The following TMEM242 variants were observed in gnomAD, a reference collection of about 807,000 sequenced individuals.
The protein encoded by TMEM242 is transmembrane protein 242.
A neutral mutation model predicts 18.2 loss-of-function variants in TMEM242; 10 were observed. That is an observed-to-expected ratio of 0.55 (90% confidence interval 0.34 to 0.93). The LOEUF (loss-of-function observed/expected upper bound fraction) is 0.93, where lower values mean the gene tolerates loss of function less well. Among genes scored for constraint, TMEM242 ranks in the 40% least tolerant of loss-of-function variants. The pLI is 0.02. For synonymous variants in TMEM242, 57 were observed against 69.9 expected, an observed-to-expected ratio of 0.81 and a Z score of 0.92; for missense variants, 186 against 175.5, an observed-to-expected ratio of 1.06 and a Z score of -0.34.
At chr6:157,306,884 T>G (rs1777924444) in intron 3 of TMEM242, among the ~76,000 whole-genome samples, 1 of 152,200 alleles carries the variant, frequency 6.6e-6, no homozygotes, top group Non-Finnish European at 1.5e-5. Context: ...TGATAAGTTA[T>G]GTTCAGCACA....
rs797038196 is a variant in TMEM242 at position 157,312,740 on chromosome 6, G to A, written c.327+6042C>T. 8.9e-3 allele frequency among the ~76,000 whole-genome samples: 207 copies of A among 23,194 alleles called. 1 individual carries two copies. The highest frequency in any genetic ancestry group is 0.026 in the African/African-American group (173 of 6,552). 15.2% of individuals were successfully genotyped at this position (23,194 alleles called of 152,430 possible). ...GCCTCATCTTACTGTCCCAGTGTGC[G>A]CTCACCTGGCCTCATCTTACTGTCA... On this transcript the variant is annotated intron_variant, in intron 3 of 3. Coordinates refer to ENST00000400788, the MANE Select transcript of TMEM242 (RefSeq NM_018452.6).
Position 157,290,107 on chromosome 6 carries a change from C to T in TMEM242, c.*2794G>A, listed in dbSNP as rs1167574129. 3.9e-5 allele frequency: 6 copies of T among 152,214 alleles called. No individual in the cohort carries two copies. Among genetic ancestry groups the T allele is most frequent in the African/African-American group, 1.4e-4 (6 of 41,434 alleles). 9.4% of individuals were successfully genotyped at this position (152,214 alleles called of 1,614,324 possible). A position where few individuals can be genotyped will look rare whatever the true frequency, so the allele number is the denominator to read the frequency against. The stretch of plus-strand genomic sequence containing the variant: ...CAACTTACCAGGATACATGTTTTCC[C>T]TTGAATGAATCCTGGGGTCTCGGAA... On this transcript the variant is annotated 3_prime_UTR_variant, in exon 4 of 4. Coordinates refer to ENST00000400788, the MANE Select transcript of TMEM242 (RefSeq NM_018452.6).
intron 3 of TMEM242, among the ~76,000 whole-genome samples, chr6:157,314,874 C>T (rs587641014): frequency 3.9e-5 from 6 of 152,292 alleles, no homozygotes; most frequent in South Asian, 2.1e-4. Context: ...GATGTAGCTG[C>T]GAATTAAAAT....
In TMEM242 at chr6:157,305,890, G is replaced by C. The variant is rs1266992141; in HGVS notation, c.328-12891C>G. On this transcript the variant is annotated intron_variant, in intron 3 of 3. Coordinates refer to ENST00000400788, the MANE Select transcript of TMEM242 (RefSeq NM_018452.6). This position sits in a 1 kb window ranked among gnomAD's most constrained non-coding sequence, Gnocchi z 4.1. ...GGGGCAAGGAGCTGGACTGAGAGCAGGAAGGGGAGGAAGTGGAGGCAGTGA... is the reference window on the plus strand; with the variant it reads ...GGGGCAAGGAGCTGGACTGAGAGCACGAAGGGGAGGAAGTGGAGGCAGTGA... Among the ~76,000 whole-genome samples, 2 of 152,208 alleles carry C rather than the reference G, an allele frequency of 1.3e-5. No individual in the cohort carries two copies. Among genetic ancestry groups the C allele is most frequent in the African/African-American group, 4.8e-5 (2 of 41,448 alleles).
intron 3 of TMEM242, among the ~76,000 whole-genome samples, chr6:157,313,032 G>C (rs1554249578): frequency 3.3e-5 from 5 of 152,228 alleles, no homozygotes; most frequent in Admixed American, 6.5e-5. Flanking sequence ...CCTCATCATA[G>C]TGTCCCAGTG....
chr6:157,312,084 T>G (rs1391434408), intron 3 of TMEM242, among the ~76,000 whole-genome samples: 1 of 13,070 alleles, frequency 7.7e-5, no homozygotes, highest in Non-Finnish European at 1.6e-4. Flanking sequence ...AGCCTCAACA[T>G]AGTGCCCTAG....
Position 157,290,169 on chromosome 6 carries a change from T to C in TMEM242, c.*2732A>G, listed in dbSNP as rs1488936006. 2 of 152,214 alleles carry C rather than the reference T, an allele frequency of 1.3e-5. No homozygotes were observed. The highest frequency in any genetic ancestry group is 2.9e-5 in the Non-Finnish European group (2 of 68,054). The allele number at this position is 152,214 out of a possible 1,614,324, so 9.4% of individuals were successfully genotyped here. A position where few individuals can be genotyped will look rare whatever the true frequency, so the allele number is the denominator to read the frequency against. The stretch of plus-strand genomic sequence containing the variant: ...CTGCCCGTGCTTTCTCTAATAGCTC[T>C]TTTGGGCGCTGAGACTCTAAGTGTA... On this transcript the variant is annotated 3_prime_UTR_variant, in exon 4 of 4. Coordinates refer to ENST00000400788, the MANE Select transcript of TMEM242 (RefSeq NM_018452.6).
rs1282328236 is a variant in TMEM242 at position 157,291,019 on chromosome 6, A to C, written c.*1882T>G. On this transcript the variant is annotated 3_prime_UTR_variant, in exon 4 of 4. Coordinates refer to ENST00000400788, the MANE Select transcript of TMEM242 (RefSeq NM_018452.6). ...CCACCATGGCCCCTGGCTCCTTCCT[A>C]GGGCCTAGCTGCCATCAGCCTGATG... 1.3e-5 allele frequency: 2 copies of C among 152,336 alleles called. No homozygotes were observed. Among genetic ancestry groups the C allele is most frequent in the East Asian group, 3.8e-4 (2 of 5,204 alleles). The allele number at this position is 152,336 out of a possible 1,614,324, so 9.4% of individuals were successfully genotyped here. A position where few individuals can be genotyped will look rare whatever the true frequency, so the allele number is the denominator to read the frequency against.
rs1384213701 is a variant in TMEM242 at position 157,313,802 on chromosome 6, G to A, written c.327+4980C>T. Among the ~76,000 whole-genome samples the A allele has an allele frequency of 4.1e-5, 6 of 146,338 alleles. No individual in the cohort carries two copies. The South Asian group carries it at 8.7e-4, about 21-fold the overall frequency. On this transcript the variant is annotated intron_variant, in intron 3 of 3. Coordinates refer to ENST00000400788, the MANE Select transcript of TMEM242 (RefSeq NM_018452.6). Reference sequence around the variant, plus strand: ...TAGTGTCCCAGTGTGCGCTCACGTGGCCTCATCAGAGCGCCCCAGTGTGCG... The same window carrying A: ...TAGTGTCCCAGTGTGCGCTCACGTGACCTCATCAGAGCGCCCCAGTGTGCG...
chr6:157,302,530 A>C (rs1200849132), intron 3 of TMEM242, among the ~76,000 whole-genome samples: 2 of 152,218 alleles, frequency 1.3e-5, no homozygotes, highest in Admixed American at 1.3e-4. Context: ...GCCACAACTA[A>C]ATCAATCTTG....
At chr6:157,312,389 G>GTGTCCCAGTGTGCACTCACC (rs1778180804) in intron 3 of TMEM242, among the ~76,000 whole-genome samples, 1 of 129,670 alleles carries the variant, frequency 7.7e-6, no homozygotes, top group Non-Finnish European at 1.6e-5. Context: ...CCTCATCATA[G>GTGTCCCAGTGTGCACTCACC]TACCGCAGTA....
rs1170687258 is a variant in TMEM242, at chr6:157,289,422, C to T, written c.*3479G>A. 3 of 152,088 alleles carry T rather than the reference C, an allele frequency of 2.0e-5. No homozygotes were observed. The highest frequency in any genetic ancestry group is 6.5e-5 in the Admixed American group (1 of 15,280). 9.4% of individuals were successfully genotyped at this position (152,088 alleles called of 1,614,324 possible). On this transcript the variant is annotated 3_prime_UTR_variant, in exon 4 of 4. Coordinates refer to ENST00000400788, the MANE Select transcript of TMEM242 (RefSeq NM_018452.6). The stretch of plus-strand genomic sequence containing the variant: ...TCATTTAATGACTCTTGGCAGAAAG[C>T]AAAAACACTTCACTTGAACATGGTA...
At chr6:157,311,491 C>A (rs1583565935) in intron 3 of TMEM242, among the ~76,000 whole-genome samples, 3 of 123,804 alleles carry the variant, frequency 2.4e-5, no homozygotes, top group Non-Finnish European at 3.5e-5. Flanking sequence ...AGTGAGCACT[C>A]ACCTAGCCTC....
chr6:157,310,419 G>A lies in TMEM242; in HGVS notation c.327+8363C>T, dbSNP rs992435411. Among the ~76,000 whole-genome samples the A allele has an allele frequency of 7.6e-3, 132 of 17,282 alleles. No individual in the cohort carries two copies. In the East Asian group the frequency reaches 0.098, roughly 13 times the overall value. The allele number at this position is 17,282 out of a possible 152,430, so 11.3% of individuals were successfully genotyped here. On this transcript the variant is annotated intron_variant, in intron 3 of 3. Transcript: ENST00000400788. ...TAGTGTCCCAGTGGGCACTCACCTGGCCTCATCATAGTGTCCCAGTGTGCA... is the reference window on the plus strand; with the variant it reads ...TAGTGTCCCAGTGGGCACTCACCTGACCTCATCATAGTGTCCCAGTGTGCA...
chr6:157,313,556 C>CAG (rs1778285950), intron 3 of TMEM242, among the ~76,000 whole-genome samples: 5 of 64,482 alleles, frequency 7.8e-5, no homozygotes, highest in African/African-American at 2.4e-4. Context: ...CCAGTGTTCG[C>CAG]TCACCTAGCC....
chr6:157,312,492 C>T (rs1336182579), intron 3 of TMEM242, among the ~76,000 whole-genome samples: 10 of 102,500 alleles, frequency 9.8e-5, no homozygotes, highest in South Asian at 3.5e-4. Context: ...ATCATAGTGT[C>T]CCAGTGTGCA....
At chr6:157,299,102 G>A (rs1777790446) in intron 3 of TMEM242, 8 of 100,992 alleles carry the variant, frequency 7.9e-5, no homozygotes, top group South Asian at 1.8e-4. Flanking sequence ...CTTTCAGGGG[G>A]GCCTCCTCTT....
intron 2 of TMEM242, among the ~76,000 whole-genome samples, chr6:157,319,356 T>C (rs1167602307): frequency 4.6e-5 from 7 of 152,226 alleles, no homozygotes; most frequent in Non-Finnish European, 1.0e-4. Flanking sequence ...CAAATAGACA[T>C]ATAATACATG....
At chr6:157,300,106 AACAG>A in intron 3 of TMEM242, 1 of 655,314 alleles carries the variant, frequency 1.5e-6, no homozygotes. Flanking sequence ...TGGCCTGCAC[AACAG>A]ACACAGTCCA....
Sources: gnomAD v4.1 joint callset for allele counts (sites outside exome capture counted in the v4.1 genomes callset) on GRCh38, gnomAD v4.1.1 for gene constraint, Gnocchi (gnomAD v3.1) non-coding constraint, MANE v1.5 for transcripts, NCBI Gene and HGNC (gene_info 2026-07-23, HGNC 2026-07-21) for gene names.